The following TASP1 variants were observed in gnomAD, a reference collection of about 807,000 sequenced individuals.
The protein encoded by TASP1 is taspase 1.
A neutral mutation model predicts 56.6 loss-of-function variants in TASP1; 16 were observed. The ratio of observed to expected loss-of-function variants is 0.28; its 90% CI spans 0.19 to 0.43. The LOEUF (loss-of-function observed/expected upper bound fraction) is 0.43. TASP1 is among the 20% of genes least tolerant of loss of function. The pLI is 1.00. For missense variants in TASP1, 393 were observed against 511.6 expected (o/e 0.77, Z 2.24); for synonymous variants, 179 against 184.2 (o/e 0.97, Z 0.23).
intron 12 of TASP1, 144 bp from the exon 13 acceptor site, chr20:13,417,665 G>A: frequency 1.2e-6 from 1 of 833,168 alleles, no homozygotes; most frequent in Non-Finnish European, 1.8e-6. Context: ...TAAATGTCAA[G>A]ATGATTTATC....
At chr20:13,596,004 A>G (rs1380125919) in intron 4 of TASP1, among the ~76,000 whole-genome samples, 1 of 152,200 alleles carries the variant, frequency 6.6e-6, no homozygotes, top group East Asian at 1.9e-4. Flanking sequence ...AATGTAAAAG[A>G]ACAGAAATCA....
In TASP1 at chr20:13,435,167, G is replaced by A; in HGVS notation, c.986-13C>T. The A allele has an allele frequency of 1.3e-6, 2 of 1,541,864 alleles. No individual in the cohort carries two copies. Among genetic ancestry groups the A allele is most frequent in the Non-Finnish European group, 1.8e-6 (2 of 1,139,200 alleles). On this transcript the variant is annotated splice_polypyrimidine_tract_variant and intron_variant, in intron 11 of 13. Transcript: ENST00000337743. The stretch of plus-strand genomic sequence containing the variant: ...AGGAAAGGTGAACCTAGGCAGAAAG[G>A]ACTAGTAGTTATTTTTCAGTGAATT...
At chr20:13,348,007 C>A in the TASP1 span, among the ~76,000 whole-genome samples, 1 of 152,182 alleles carries the variant, frequency 6.6e-6, no homozygotes, top group East Asian at 1.9e-4. Flanking sequence ...GATATTTGCG[C>A]CCCCAGGAGA....
intron 10 of TASP1, among the ~76,000 whole-genome samples, chr20:13,490,497 C>A (rs2043485993): frequency 6.6e-6 from 1 of 152,184 alleles, no homozygotes; most frequent in South Asian, 2.1e-4. Flanking sequence ...ATCCTTCCAA[C>A]AATGCCATTA....
the TASP1 span, among the ~76,000 whole-genome samples, chr20:13,292,127 G>A: frequency 3.9e-5 from 6 of 152,198 alleles, no homozygotes; most frequent in African/African-American, 1.4e-4. Flanking sequence ...CTCAGTGAGT[G>A]AGTTCCTAGG....
chr20:13,205,938 A>G, the TASP1 span, among the ~76,000 whole-genome samples: 1 of 152,140 alleles, frequency 6.6e-6, no homozygotes, highest in African/African-American at 2.4e-5. Context: ...AAATCAGAGT[A>G]TTTACCCTCT....
At chr20:13,409,625 T>C (rs1285393240) in intron 13 of TASP1, among the ~76,000 whole-genome samples, 1 of 152,170 alleles carries the variant, frequency 6.6e-6, no homozygotes, top group Non-Finnish European at 1.5e-5. Flanking sequence ...AATTATCTTT[T>C]AAATGATGTG....
At chr20:13,133,188 A>G in the TASP1 span, 1 of 152,128 alleles carries the variant, frequency 6.6e-6, no homozygotes. Context: ...CCCTAATCCC[A>G]CACTCTGTTC....
At chr20:13,537,635 A>G (rs977000157) in intron 8 of TASP1, among the ~76,000 whole-genome samples, 1 of 152,182 alleles carries the variant, frequency 6.6e-6, no homozygotes, top group Non-Finnish European at 1.5e-5. Context: ...ACATATACCT[A>G]TTGTCCTTGA....
the TASP1 span, among the ~76,000 whole-genome samples, chr20:13,339,221 A>T: frequency 1.3e-5 from 2 of 152,144 alleles, no homozygotes; most frequent in Non-Finnish European, 2.9e-5. Flanking sequence ...CCTTTGACAC[A>T]CCCAAGAGAA....
intron 13 of TASP1, among the ~76,000 whole-genome samples, chr20:13,395,068 GA>G (rs2041471877): frequency 6.6e-6 from 1 of 152,164 alleles, no homozygotes; most frequent in Non-Finnish European, 1.5e-5. Flanking sequence ...GACCACCTTA[GA>G]AACTGCTCTT....
At chr20:13,109,311 T>C in the TASP1 span, among the ~76,000 whole-genome samples, 3 of 152,216 alleles carry the variant, frequency 2.0e-5, no homozygotes. Flanking sequence ...GGCTTTCACA[T>C]AAGGCAGCAA....
At chr20:13,320,976 A>G in the TASP1 span, among the ~76,000 whole-genome samples, 2 of 152,016 alleles carry the variant, frequency 1.3e-5, no homozygotes, top group Non-Finnish European at 2.9e-5. Context: ...AGGCTGGTGG[A>G]TCAGTTGGGG....
At chr20:13,632,418 T>A (rs2049131862) in intron 1 of TASP1, among the ~76,000 whole-genome samples, 1 of 148,858 alleles carries the variant, frequency 6.7e-6, no homozygotes, top group African/African-American at 2.5e-5. Context: ...AATACAAACA[T>A]AATTATAACA....
the TASP1 span, among the ~76,000 whole-genome samples, chr20:13,329,265 G>A: frequency 5.3e-5 from 8 of 152,300 alleles, no homozygotes; most frequent in African/African-American, 1.9e-4. Context: ...TTTTAAGGAG[G>A]TAAGTCAGGT....
At chr20:13,187,016 G>C in the TASP1 span, among the ~76,000 whole-genome samples, 1 of 152,166 alleles carries the variant, frequency 6.6e-6, no homozygotes, top group African/African-American at 2.4e-5. Context: ...GGTAATGTAA[G>C]AAGAGAGATA....
chr20:13,433,180 T>C (rs1467825378), intron 12 of TASP1, among the ~76,000 whole-genome samples: 2 of 152,114 alleles, frequency 1.3e-5, no homozygotes, highest in Non-Finnish European at 2.9e-5. Context: ...TCTGTGTCGA[T>C]GTGTTCTCAC....
intron 13 of TASP1, among the ~76,000 whole-genome samples, chr20:13,394,652 T>A (rs1287087792): frequency 6.6e-6 from 1 of 151,810 alleles, no homozygotes; most frequent in Non-Finnish European, 1.5e-5. Flanking sequence ...AAGTATAGAC[T>A]AACTAAAATT....
chr20:13,195,391 C>T, the TASP1 span, among the ~76,000 whole-genome samples: 3 of 152,174 alleles, frequency 2.0e-5, no homozygotes, highest in Non-Finnish European at 4.4e-5. Flanking sequence ...CCGGCCCTCT[C>T]TGCCCGTGTG....
Sources: gnomAD v4.1 joint callset for allele counts (sites outside exome capture counted in the v4.1 genomes callset) on GRCh38, gnomAD v4.1.1 for gene constraint, MANE v1.5 for transcripts, NCBI Gene and HGNC (gene_info 2026-07-23, HGNC 2026-07-21) for gene names.